The following TJP1 variants were observed in gnomAD, a reference collection of about 807,000 sequenced individuals.
TJP1 encodes tight junction protein ZO-1.
A neutral mutation model predicts 194.2 loss-of-function variants in TJP1; 43 were observed. The observed-to-expected ratio is 0.22, with a 90% confidence interval of 0.17 to 0.29. TJP1 has a LOEUF of 0.29. Ranked by LOEUF, TJP1 falls within the 10% of genes least tolerant of loss-of-function variation. TJP1 has a pLI of 1.00. For synonymous variants in TJP1, 801 were observed against 779.0 expected (o/e 1.03, Z -0.47); for missense variants, 1,971 against 2,185.7 (o/e 0.90, Z 1.96).
intron 8 of TJP1, chr15:29,760,335 C>A: frequency 2.9e-6 from 2 of 691,480 alleles, no homozygotes; most frequent in South Asian, 3.0e-5. Context: ...TCAGGTAGGT[C>A]ATATACTACC....
At chr15:29,962,406 C>T (rs2056193099) in intron 1 of TJP1, among the ~76,000 whole-genome samples, 1 of 152,204 alleles carries the variant, frequency 6.6e-6, no homozygotes, top group South Asian at 2.1e-4. Flanking sequence ...TCAATAATAA[C>T]ACAGAATCGG....
chr15:29,702,090 C>T (rs1457523213), intron 27 of TJP1, among the ~76,000 whole-genome samples: 1 of 148,532 alleles, frequency 6.7e-6, no homozygotes, highest in Non-Finnish European at 1.5e-5. Context: ...TTATCAGTAG[C>T]ACTTTTTTTT....
intron 12 of TJP1, 64 bp from the exon 13 acceptor site, chr15:29,733,377 C>A: frequency 8.9e-7 from 1 of 1,124,878 alleles, no homozygotes; most frequent in Non-Finnish European, 1.3e-6. Context: ...AAAGACAGTA[C>A]ATTATGTAAA....
At chr15:29,751,472 T>C (rs182465644) in intron 8 of TJP1, among the ~76,000 whole-genome samples, 2 of 152,354 alleles carry the variant, frequency 1.3e-5, no homozygotes, top group Admixed American at 1.3e-4. Context: ...CATTCATCTA[T>C]TAATCTAGTC....
intron 10 of TJP1, among the ~76,000 whole-genome samples, chr15:29,740,088 C>T (rs567041884): frequency 8.5e-4 from 129 of 151,328 alleles, no homozygotes; most frequent in Admixed American, 3.3e-3. Flanking sequence ...CCTGGGTTCA[C>T]GCCATTCTCC....
intron 2 of TJP1, among the ~76,000 whole-genome samples, chr15:29,908,419 G>A (rs1030862365): frequency 6.6e-6 from 1 of 152,134 alleles, no homozygotes; most frequent in Non-Finnish European, 1.5e-5. Flanking sequence ...TTCCAACCTA[G>A]AATGCTATAC....
At chr15:29,894,274 C>G (rs2053407169) in intron 2 of TJP1, among the ~76,000 whole-genome samples, 1 of 152,146 alleles carries the variant, frequency 6.6e-6, no homozygotes, top group Non-Finnish European at 1.5e-5. Flanking sequence ...GCCTGGCCAA[C>G]ACAGGGAAGC....
At chr15:29,703,922 C>A (rs1242911687) in intron 27 of TJP1, among the ~76,000 whole-genome samples, 1 of 152,162 alleles carries the variant, frequency 6.6e-6, no homozygotes, top group Non-Finnish European at 1.5e-5. Context: ...CGATTACAGG[C>A]ATGAGCCACG....
intron 15 of TJP1, chr15:29,732,222 G>A (rs1265850961): frequency 1.4e-5 from 8 of 566,468 alleles, no homozygotes; most frequent in Non-Finnish European, 2.5e-5. Context: ...ATGAAGCCAA[G>A]AGTTTCCTAA....
At chr15:29,826,465 C>A (rs145103381), upstream of TJP1, among the ~76,000 whole-genome samples, 94 of 152,308 alleles carry the variant, frequency 6.2e-4, no homozygotes, top group African/African-American at 2.2e-3. Flanking sequence ...ACTCCCTCCC[C>A]AGCCCAGGCA....
chr15:29,844,603 A>G (rs1468202548), intron 2 of TJP1, among the ~76,000 whole-genome samples: 1 of 152,086 alleles, frequency 6.6e-6, no homozygotes, highest in Non-Finnish European at 1.5e-5. Flanking sequence ...GGGAGTCAAG[A>G]TTTTTTATCT....
In TJP1 at chr15:29,822,363, G is replaced by T. The variant is rs553769013; in HGVS notation, c.-335C>A. Reference sequence around the variant, plus strand: ...CGTCAGCAGCACCCGTGGCCTCCCGGCGTCTCCTCGGAAGCCGGCTTCGCC... The same window carrying T: ...CGTCAGCAGCACCCGTGGCCTCCCGTCGTCTCCTCGGAAGCCGGCTTCGCC... On this transcript the variant is annotated 5_prime_UTR_variant, in exon 1 of 28. Transcript: ENST00000614355. 9.6e-7 allele frequency: 1 copy of T among 1,037,742 alleles called. No homozygotes were observed. Among genetic ancestry groups the T allele is most frequent in the African/African-American group, 1.7e-5 (1 of 59,102 alleles). The allele number at this position is 1,037,742 out of a possible 1,614,324, so 64.3% of individuals were successfully genotyped here. A position where few individuals can be genotyped will look rare whatever the true frequency, so the allele number is the denominator to read the frequency against.
chr15:29,703,560 A>G (rs2041693367), intron 27 of TJP1, among the ~76,000 whole-genome samples: 1 of 152,232 alleles, frequency 6.6e-6, no homozygotes, highest in Non-Finnish European at 1.5e-5. Flanking sequence ...TGTGCAGGAC[A>G]ATATCTCCCA....
intron 2 of TJP1, among the ~76,000 whole-genome samples, chr15:29,949,239 CCACCTT>C (rs1306369682): frequency 1.8e-4 from 10 of 54,766 alleles, no homozygotes; most frequent in African/African-American, 6.5e-4. Context: ...ACCACTACCT[CCACCTT>C]CACCACCACC....
intron 2 of TJP1, among the ~76,000 whole-genome samples, chr15:29,949,666 A>ACCACCACCTCCACCTCCACC (rs2055546395): frequency 5.4e-5 from 1 of 18,608 alleles, no homozygotes; most frequent in Admixed American, 6.0e-4. Context: ...CCACCTCCAC[A>ACCACCACCTCCACCTCCACC]ACCACCACCT....
Position 29,719,865 on chromosome 15 carries a change from T to C in TJP1, c.2915A>G (p.Asp972Gly). The change falls in exon 20 of 28, where the codon GAT (aspartate) becomes GGT (glycine). Residue 972 changes from aspartate to glycine, a missense_variant. This residue lies in a region of TJP1 where 1,108 missense variants were observed against 1,128.5 expected (regional missense o/e 0.98). Coordinates refer to ENST00000614355, the MANE Select transcript of TJP1 (RefSeq NM_001330239.4). Reference protein sequence around the residue: ...APSTSYSPQADSLRTPSTEAA... With the variant: ...APSTSYSPQAGSLRTPSTEAA... Reference sequence around the variant, plus strand: ...CTCAGTACTTGGTGTTCTTAAAGAATCAGCTTGTGGTGAGTAAGAGGTGGA... The same window carrying C: ...CTCAGTACTTGGTGTTCTTAAAGAACCAGCTTGTGGTGAGTAAGAGGTGGA... 2.5e-6 allele frequency: 4 copies of C among 1,614,142 alleles called. No homozygotes were observed. Among genetic ancestry groups the C allele is most frequent in the Non-Finnish European group, 3.4e-6 (4 of 1,180,024 alleles).
intron 2 of TJP1, among the ~76,000 whole-genome samples, chr15:29,920,572 G>A (rs929232441): frequency 6.6e-6 from 1 of 152,142 alleles, no homozygotes; most frequent in Non-Finnish European, 1.5e-5. Context: ...CCTTCCAAAC[G>A]CTGCAATCTC....
intron 20 of TJP1, among the ~76,000 whole-genome samples, chr15:29,719,398 A>C (rs2042793142): frequency 6.6e-6 from 1 of 152,220 alleles, no homozygotes; most frequent in Non-Finnish European, 1.5e-5. Flanking sequence ...TTAGTAGAAA[A>C]TTAATGCACT....
intron 2 of TJP1, among the ~76,000 whole-genome samples, chr15:29,853,045 C>T (rs1029886573): frequency 6.6e-6 from 1 of 152,128 alleles, no homozygotes; most frequent in African/African-American, 2.4e-5. Context: ...GTATTCACCC[C>T]ATGGAATATT....
Sources: gnomAD v4.1 joint callset for allele counts (sites outside exome capture counted in the v4.1 genomes callset) on GRCh38, gnomAD v4.1.1 for gene constraint, gnomAD v4.1.1 regional missense constraint, MANE v1.5 for transcripts, NCBI Gene and HGNC (gene_info 2026-07-23, HGNC 2026-07-21) for gene names.